CXADR: variants seen among roughly 807,000 people sequenced by gnomAD.
CXADR encodes the protein coxsackievirus and adenovirus receptor.
In CXADR, 20 loss-of-function variants were observed where a neutral mutation model predicts 40.3. That is an observed-to-expected ratio of 0.50 (90% CI 0.35 to 0.72). The LOEUF (loss-of-function observed/expected upper bound fraction) is 0.72. CXADR is among the 30% of genes least tolerant of loss of function. The pLI is 0.01. For synonymous variants in CXADR, 150 were observed against 161.3 expected, an observed-to-expected ratio of 0.93 and a Z score of 0.53; for missense variants, 332 against 449.1, an observed-to-expected ratio of 0.74 and a Z score of 2.36.
intron 1 of CXADR, among the ~76,000 whole-genome samples, chr21:17,515,625 C>T (rs1429015454): frequency 5.9e-5 from 9 of 152,130 alleles, no homozygotes; most frequent in Non-Finnish European, 2.9e-5. Context: ...TCCTGGCTAA[C>T]ACGGTGAAAC....
chr21:17,530,461 A>G (rs916102289), intron 1 of CXADR: 22 of 453,434 alleles, frequency 4.9e-5, no homozygotes, highest in Non-Finnish European at 8.4e-5. Context: ...CTGTATCACA[A>G]TTGATTTATT....
intron 7 of CXADR, among the ~76,000 whole-genome samples, chr21:17,584,720 A>G (rs1042105653): frequency 6.6e-6 from 1 of 152,062 alleles, no homozygotes; most frequent in African/African-American, 2.4e-5. Context: ...AATCCCAGCT[A>G]CTCTGGAGGC....
At chr21:17,548,737 G>A (rs139716596) in intron 2 of CXADR, among the ~76,000 whole-genome samples, 5 of 152,374 alleles carry the variant, frequency 3.3e-5, no homozygotes, top group African/African-American at 9.6e-5. Flanking sequence ...AGCCATTAGC[G>A]TGTCTGTTAA....
chr21:17,568,215 G>A lies in CXADR; in HGVS notation c.*2523G>A, dbSNP rs182082755. ...GGGATCTCGGCTCACTGCAAGCTCC[G>A]CCTCCCAGGTTCACGCCATTCTCCT... On this transcript the variant is annotated 3_prime_UTR_variant, in exon 7 of 7. Coordinates refer to ENST00000284878, the MANE Select transcript of CXADR (RefSeq NM_001338.5). The A allele has an allele frequency of 0.029, 26,394 of 921,008 alleles. 428 individuals carry two copies. The highest frequency in any genetic ancestry group is 0.038 in the Middle Eastern group (67 of 1,770). 57.1% of individuals were successfully genotyped at this position (921,008 alleles called of 1,614,324 possible).
chr21:17,598,526 C>T, downstream of CXADR: 2 of 1,097,122 alleles, frequency 1.8e-6, no homozygotes. Context: ...AATCTCAAGT[C>T]AGAAACCTTG....
chr21:17,534,069 T>TACAC (rs1207362856), intron 1 of CXADR, among the ~76,000 whole-genome samples: 1 of 99,586 alleles, frequency 1.0e-5, no homozygotes, highest in African/African-American at 4.2e-5. Context: ...GCTATATATA[T>TACAC]ACACACACAC....
intron 7 of CXADR, among the ~76,000 whole-genome samples, chr21:17,584,065 A>G (rs888539397): frequency 6.6e-5 from 10 of 152,194 alleles, no homozygotes; most frequent in East Asian, 3.8e-4. Flanking sequence ...TGTGTATGCA[A>G]TCAACTCAGG....
At chr21:17,572,504 G>A (rs1432895299), downstream of CXADR, among the ~76,000 whole-genome samples, 1 of 152,264 alleles carries the variant, frequency 6.6e-6, no homozygotes, top group African/African-American at 2.4e-5. Flanking sequence ...TAGCGAACAC[G>A]GAAAACAGAA....
chr21:17,553,605 G>C (rs2824351), intron 3 of CXADR, among the ~76,000 whole-genome samples: 5,377 of 143,606 alleles, frequency 0.037, 315 homozygotes, highest in African/African-American at 0.13. Context: ...TTAACACCTG[G>C]TCCGAATTCT....
At chr21:17,580,829 C>A (rs995250937) in intron 7 of CXADR, among the ~76,000 whole-genome samples, 1 of 152,124 alleles carries the variant, frequency 6.6e-6, no homozygotes, top group African/African-American at 2.4e-5. Flanking sequence ...TGGCTCACTG[C>A]AGCCTCAACC....
At chr21:17,635,766 GT>G in the CXADR span, among the ~76,000 whole-genome samples, 2 of 152,078 alleles carry the variant, frequency 1.3e-5, no homozygotes, top group Non-Finnish European at 2.9e-5. Flanking sequence ...TGTTTTGTCT[GT>G]TCTAGATCTT....
intron 1 of CXADR, among the ~76,000 whole-genome samples, chr21:17,526,924 C>T (rs2060604745): frequency 2.0e-5 from 3 of 151,994 alleles, no homozygotes. Context: ...TTTATATGAG[C>T]CAGGAGGCAA....
intron 7 of CXADR, among the ~76,000 whole-genome samples, chr21:17,586,190 G>C (rs770645547): frequency 9.9e-5 from 15 of 151,764 alleles, no homozygotes; most frequent in African/African-American, 4.8e-5. Flanking sequence ...TTAGCCATTT[G>C]TGTTTCTTTA....
At chr21:17,591,393 TGGTA>T (rs1291681915) in intron 7 of CXADR, among the ~76,000 whole-genome samples, 3 of 152,056 alleles carry the variant, frequency 2.0e-5, no homozygotes, top group Admixed American at 6.6e-5. Flanking sequence ...AAACTGTACA[TGGTA>T]GGTGTTTGTA....
Position 17,547,083 on chromosome 21 carries a change from G to T in CXADR, c.100G>T (p.Gly34Trp). The T allele has an allele frequency of 1.2e-6, 2 of 1,613,852 alleles. No homozygotes were observed. The highest frequency in any genetic ancestry group is 1.7e-6 in the Non-Finnish European group (2 of 1,179,952). Residue 34 changes from glycine to tryptophan, a missense_variant, in exon 2 of 7, where the codon GGG (glycine) becomes TGG (tryptophan). Around this residue, in one of 3 missense-constraint regions of CXADR, gnomAD observed 162 missense variants for 198.5 expected, o/e 0.82. Transcript: ENST00000284878. Reference protein sequence around the residue: ...TPEEMIEKAKGETAYLPCKFT... With the variant: ...TPEEMIEKAKWETAYLPCKFT... ...TGAAGAGATGATTGAAAAAGCCAAA[G>T]GGGAAACTGCCTATCTGCCATGCAA...
At chr21:17,561,688 C>T (rs965196573) in intron 6 of CXADR, among the ~76,000 whole-genome samples, 5 of 152,140 alleles carry the variant, frequency 3.3e-5, no homozygotes, top group East Asian at 1.9e-4. Flanking sequence ...CCAACCTTCT[C>T]GTACCCCATT....
intron 3 of CXADR, among the ~76,000 whole-genome samples, chr21:17,557,186 A>G (rs1003427964): frequency 1.3e-5 from 2 of 152,204 alleles, no homozygotes; most frequent in Admixed American, 1.3e-4. Flanking sequence ...ATACAGATTA[A>G]AGTCAGCCAC....
chr21:17,613,292 C>T, the CXADR span: 1 of 152,326 alleles, frequency 6.6e-6, no homozygotes, highest in South Asian at 2.1e-4. Flanking sequence ...GGTCTCTCCA[C>T]GCTGCACTTG....
At chr21:17,528,029 A>G (rs1162166462) in intron 1 of CXADR, among the ~76,000 whole-genome samples, 1 of 129,618 alleles carries the variant, frequency 7.7e-6, no homozygotes, top group South Asian at 2.6e-4. Flanking sequence ...TTTTTTAGCA[A>G]TTTTACTTAG....
Sources: allele counts gnomAD v4.1 joint callset (sites outside exome capture counted in the v4.1 genomes callset), GRCh38; gene constraint gnomAD v4.1.1; regional missense constraint gnomAD v4.1.1; transcripts MANE v1.5; gene names NCBI Gene and HGNC (gene_info 2026-07-23, HGNC 2026-07-21).